Variants in FOXP2 observed in about 807,000 individuals in gnomAD.
FOXP2 encodes forkhead box P2.
FOXP2 carries 12 observed loss-of-function variants against 115.8 expected under a neutral mutation model. That is an observed-to-expected ratio of 0.10 (90% CI 0.07 to 0.17). The LOEUF (loss-of-function observed/expected upper bound fraction) is 0.17. Among genes scored for constraint, FOXP2 ranks in the 10% least tolerant of loss-of-function variants. The probability of loss-of-function intolerance (pLI) is 1.00; values close to 1 mark genes in which losing one functional copy is unlikely to be tolerated. For missense variants in FOXP2, 629 were observed against 843.5 expected, an observed-to-expected ratio of 0.75 and a Z score of 3.15; for synonymous variants, 328 against 297.7, an observed-to-expected ratio of 1.10 and a Z score of -1.05.
intron 1 of FOXP2, among the ~76,000 whole-genome samples, chr7:114,108,189 C>A (rs770276251): frequency 9.2e-5 from 14 of 151,900 alleles, no homozygotes; most frequent in Non-Finnish European, 1.5e-4. Flanking sequence ...TTTGAGGACA[C>A]ATCCATTTTT....
intron 1 of FOXP2, among the ~76,000 whole-genome samples, chr7:114,262,591 C>T (rs1795783566): frequency 1.3e-5 from 2 of 152,076 alleles, no homozygotes; most frequent in Non-Finnish European, 2.9e-5. Flanking sequence ...TAGCCATTAG[C>T]CACACAGGGT....
intron 2 of FOXP2, among the ~76,000 whole-genome samples, chr7:114,512,733 A>G (rs1161299247): frequency 6.6e-6 from 1 of 152,180 alleles, no homozygotes; most frequent in Non-Finnish European, 1.5e-5. Context: ...AAAAATTAGT[A>G]GTATAGTGAG....
intron 1 of FOXP2, among the ~76,000 whole-genome samples, chr7:114,137,832 A>G (rs1792083165): frequency 6.6e-6 from 1 of 152,206 alleles, no homozygotes; most frequent in Non-Finnish European, 1.5e-5. Context: ...ATAGGTGTAT[A>G]TATAGGGGTT....
intron 3 of FOXP2, among the ~76,000 whole-genome samples, chr7:114,575,601 C>T (rs1221379728): frequency 6.6e-6 from 1 of 151,850 alleles, no homozygotes; most frequent in Non-Finnish European, 1.5e-5. Flanking sequence ...AGACAGAACT[C>T]TGCCTCACCA....
At chr7:114,380,114 T>G (rs1792250714) in intron 2 of FOXP2, among the ~76,000 whole-genome samples, 1 of 152,192 alleles carries the variant, frequency 6.6e-6, no homozygotes, top group South Asian at 2.1e-4. Context: ...TCCCTTCTAT[T>G]TCCCTTTCCT....
rs41281066 is a variant in FOXP2, at chr7:114,664,568, C to T, written c.2003+132C>T. The T allele has an allele frequency of 1.3e-3, 1,416 of 1,059,584 alleles. 2 individuals carry two copies. The highest frequency in any genetic ancestry group is 1.5e-3 in the Non-Finnish European group (1,071 of 727,076). The allele number at this position is 1,059,584 out of a possible 1,614,324, so 65.6% of individuals were successfully genotyped here. A position where few individuals can be genotyped will look rare whatever the true frequency, so the allele number is the denominator to read the frequency against. ...ATTTAAGTGGAGTTAAATTATACCA[C>T]GTTCATAATATGACAAAGTTTATCA... On this transcript the variant is annotated intron_variant, in intron 16 of 16. Coordinates refer to ENST00000350908, the MANE Select transcript of FOXP2 (RefSeq NM_014491.4).
chr7:114,152,238 A>G (rs1029537964), intron 1 of FOXP2, among the ~76,000 whole-genome samples: 3 of 152,172 alleles, frequency 2.0e-5, no homozygotes. Flanking sequence ...TCTATTGAAT[A>G]CATAATTTTT....
At chr7:114,120,670 A>ATGTGTG (rs571409501) in intron 1 of FOXP2, among the ~76,000 whole-genome samples, 5 of 147,306 alleles carry the variant, frequency 3.4e-5, no homozygotes, top group African/African-American at 5.0e-5. Flanking sequence ...TCATATATGT[A>ATGTGTG]TGTGTGTGTG....
At position 114,468,265 on chromosome 7, in the gene FOXP2, A is replaced by G. The variant is rs1003955422; in HGVS notation, c.168+41586A>G. 4.6e-5 allele frequency among the ~76,000 whole-genome samples: 7 copies of G among 151,994 alleles called. No individual in the cohort carries two copies. The East Asian group carries it at 1.4e-3, about 29-fold the overall frequency. ...CATTTTTGATTTCTCAGTTACTTTA[A>G]AGTTTGCCCGTATCTATTCAATCCA... is the stretch of plus-strand genomic sequence containing the variant. On this transcript the variant is annotated intron_variant, in intron 2 of 16. Coordinates refer to ENST00000350908, the MANE Select transcript of FOXP2 (RefSeq NM_014491.4).
intron 1 of FOXP2, among the ~76,000 whole-genome samples, chr7:114,285,198 G>A (rs543488195): frequency 6.6e-6 from 1 of 152,082 alleles, no homozygotes; most frequent in Admixed American, 6.6e-5. Context: ...TAGTTTTTTG[G>A]GTTTTTTTGG....
chr7:114,269,434 G>A (rs572890199), intron 1 of FOXP2, among the ~76,000 whole-genome samples: 1 of 151,722 alleles, frequency 6.6e-6, no homozygotes. Context: ...ATCTTTTTTT[G>A]TTTGTTTTTG....
At position 114,451,684 on chromosome 7, in the gene FOXP2, G is replaced by A. The variant is rs118103956; in HGVS notation, c.168+25005G>A. 4.2e-4 allele frequency among the ~76,000 whole-genome samples: 64 copies of A among 152,136 alleles called. 1 individual carries two copies. In the East Asian group the frequency reaches 0.01, roughly 24 times the overall value. ...GAAAGTACATCATTTACCTAGCACA[G>A]TATTTGGCTTATGGTAGCTGCTTAA... On this transcript the variant is annotated intron_variant, in intron 2 of 16. Transcript: ENST00000350908.
chr7:114,349,928 A>G (rs1216393754), intron 2 of FOXP2, among the ~76,000 whole-genome samples: 4 of 152,098 alleles, frequency 2.6e-5, no homozygotes, highest in African/African-American at 7.2e-5. Context: ...AAGAATGACC[A>G]TAGTTGGACT....
chr7:114,679,095 G>T (rs891157011), intron 16 of FOXP2, among the ~76,000 whole-genome samples: 1 of 152,054 alleles, frequency 6.6e-6, no homozygotes, highest in Non-Finnish European at 1.5e-5. Context: ...CTCCCACATA[G>T]TTGGGATCAT....
At chr7:114,521,288 T>C (rs1343177694) in intron 2 of FOXP2, among the ~76,000 whole-genome samples, 2 of 152,086 alleles carry the variant, frequency 1.3e-5, no homozygotes, top group Non-Finnish European at 2.9e-5. Context: ...GTAAACTGAA[T>C]AACAAAATAT....
intron 3 of FOXP2, among the ~76,000 whole-genome samples, chr7:114,596,054 G>A (rs1237980495): frequency 2.0e-5 from 3 of 151,982 alleles, no homozygotes; most frequent in Admixed American, 6.6e-5. Context: ...ATCTGAACAG[G>A]TCACGCTGAG....
At chr7:114,216,794 T>C (rs911019978) in intron 1 of FOXP2, among the ~76,000 whole-genome samples, 1 of 152,142 alleles carries the variant, frequency 6.6e-6, no homozygotes, top group Non-Finnish European at 1.5e-5. Flanking sequence ...GTTTCCACTT[T>C]CCATCTCAAA....
At chr7:114,432,300 C>G (rs1794145513) in intron 2 of FOXP2, among the ~76,000 whole-genome samples, 1 of 151,952 alleles carries the variant, frequency 6.6e-6, no homozygotes, top group African/African-American at 2.4e-5. Flanking sequence ...GTTGTCTTTA[C>G]AACATTCAGC....
At chr7:114,112,992 T>C (rs559912416) in intron 1 of FOXP2, among the ~76,000 whole-genome samples, 1 of 152,234 alleles carries the variant, frequency 6.6e-6, no homozygotes, top group Admixed American at 6.5e-5. Context: ...GAGTCTTGAG[T>C]GTATTGCGCA....
Sources: gnomAD v4.1 joint callset for allele counts (sites outside exome capture counted in the v4.1 genomes callset) on GRCh38, gnomAD v4.1.1 for gene constraint, MANE v1.5 for transcripts, NCBI Gene and HGNC (gene_info 2026-07-23, HGNC 2026-07-21) for gene names.